The following NAALADL2 variants were observed in gnomAD, a reference collection of about 807,000 sequenced individuals.
NAALADL2 encodes the protein inactive N-acetylated-alpha-linked acidic dipeptidase-like protein 2.
A neutral mutation model predicts 87.2 loss-of-function variants in NAALADL2; 76 were observed. That is an observed-to-expected ratio of 0.87 (90% CI 0.72 to 1.05). The LOEUF (loss-of-function observed/expected upper bound fraction) is 1.05, where lower values mean the gene tolerates loss of function less well. NAALADL2 is among the 50% of genes least tolerant of loss of function. The probability of loss-of-function intolerance (pLI) is 0.00; values close to 1 mark genes in which losing one functional copy is unlikely to be tolerated. For synonymous variants in NAALADL2, 354 were observed against 331.0 expected (o/e 1.07, Z -0.75); for missense variants, 1,089 against 945.8 (o/e 1.15, Z -1.99).
intron 13 of NAALADL2, chr3:175,767,677 A>C (rs1583165962): frequency 6.6e-6 from 1 of 152,288 alleles, no homozygotes; most frequent in South Asian, 2.1e-4. Context: ...TAAAAAATGT[A>C]TATATTTTAA....
intron 9 of NAALADL2, among the ~76,000 whole-genome samples, chr3:175,541,144 C>T (rs1020250364): frequency 3.9e-5 from 6 of 152,156 alleles, no homozygotes; most frequent in Middle Eastern, 3.2e-3. Context: ...AGATATCTTT[C>T]GAATCCTTCA....
intron 10 of NAALADL2, among the ~76,000 whole-genome samples, chr3:175,584,078 C>A (rs1032764194): frequency 6.6e-6 from 1 of 150,944 alleles, no homozygotes; most frequent in African/African-American, 2.5e-5. Flanking sequence ...GGGTCTGTCA[C>A]CCAGGCTAGA....
chr3:175,120,340 T>C (rs1725968199), intron 2 of NAALADL2, among the ~76,000 whole-genome samples: 1 of 151,758 alleles, frequency 6.6e-6, no homozygotes, highest in Non-Finnish European at 1.5e-5. Flanking sequence ...TAGAAATCTA[T>C]TAAAACAAAT....
intron 11 of NAALADL2, among the ~76,000 whole-genome samples, chr3:175,683,624 G>A (rs978934665): frequency 1.3e-5 from 2 of 151,910 alleles, no homozygotes; most frequent in Admixed American, 1.3e-4. Context: ...AGAATAGAAA[G>A]CATTCAGCTC....
chr3:175,502,059 A>G (rs1053123843), intron 9 of NAALADL2, among the ~76,000 whole-genome samples: 3 of 152,148 alleles, frequency 2.0e-5, no homozygotes, highest in African/African-American at 7.2e-5. Context: ...TTTGAAGAGA[A>G]CAATTTCAAG....
intron 2 of NAALADL2, among the ~76,000 whole-genome samples, chr3:174,587,987 C>G (rs1716918333): frequency 6.6e-6 from 1 of 152,152 alleles, no homozygotes; most frequent in South Asian, 2.1e-4. Flanking sequence ...GTTCAATTCC[C>G]CCTGTCACTT....
intron 1 of NAALADL2, among the ~76,000 whole-genome samples, chr3:175,094,196 G>GA (rs924378815): frequency 9.2e-5 from 14 of 151,804 alleles, no homozygotes; most frequent in African/African-American, 3.4e-4. Context: ...GAACTGCATG[G>GA]AAAAAATGTC....
intron 1 of NAALADL2, among the ~76,000 whole-genome samples, chr3:174,455,667 A>G (rs1715785698): frequency 6.6e-6 from 1 of 152,196 alleles, no homozygotes; most frequent in Middle Eastern, 3.2e-3. Context: ...GATAAAATTC[A>G]ACACCCCTTC....
At chr3:174,819,542 A>G (rs1043601236) in intron 3 of NAALADL2, among the ~76,000 whole-genome samples, 7 of 152,128 alleles carry the variant, frequency 4.6e-5, no homozygotes, top group Non-Finnish European at 7.4e-5. Flanking sequence ...GACTTCTCAT[A>G]CACAATCACA....
intron 5 of NAALADL2, among the ~76,000 whole-genome samples, chr3:175,390,011 G>T (rs958217204): frequency 6.6e-6 from 1 of 152,064 alleles, no homozygotes; most frequent in Non-Finnish European, 1.5e-5. Context: ...TCTCAAGTTA[G>T]CAGGGAATAA....
intron 11 of NAALADL2, among the ~76,000 whole-genome samples, chr3:175,725,658 G>A (rs1432009661): frequency 2.0e-5 from 3 of 152,196 alleles, no homozygotes; most frequent in Non-Finnish European, 4.4e-5. Flanking sequence ...GTGCTAATTA[G>A]GGTAACAATT....
chr3:175,314,599 AG>A (rs1560341308), intron 4 of NAALADL2, among the ~76,000 whole-genome samples: 2 of 100,668 alleles, frequency 2.0e-5, no homozygotes, highest in East Asian at 5.6e-4. Flanking sequence ...ATATATATAT[AG>A]GCTATACATA....
intron 2 of NAALADL2, among the ~76,000 whole-genome samples, chr3:174,585,206 A>G (rs544235192): frequency 1.3e-5 from 2 of 152,278 alleles, no homozygotes; most frequent in African/African-American, 4.8e-5. Context: ...GATATGCATC[A>G]TAATCATTTG....
chr3:174,446,283 G>A (rs1221023482), intron 1 of NAALADL2, among the ~76,000 whole-genome samples: 1 of 152,074 alleles, frequency 6.6e-6, no homozygotes, highest in African/African-American at 2.4e-5. Context: ...GAAGTGCTAT[G>A]AATCCTTTAA....
intron 2 of NAALADL2, among the ~76,000 whole-genome samples, chr3:175,218,557 C>A (rs527925263): frequency 6.6e-6 from 1 of 152,054 alleles, no homozygotes; most frequent in Non-Finnish European, 1.5e-5. Flanking sequence ...ACCTAGAGGT[C>A]TCCCACTTGT....
intron 13 of NAALADL2, among the ~76,000 whole-genome samples, chr3:175,760,891 A>G (rs1457707701): frequency 1.3e-5 from 2 of 152,260 alleles, no homozygotes; most frequent in East Asian, 1.9e-4. Context: ...TTTTTAAAGC[A>G]GGTTTAGGCT....
intron 6 of NAALADL2, among the ~76,000 whole-genome samples, chr3:175,448,745 G>A (rs1013231791): frequency 6.6e-6 from 1 of 152,244 alleles, no homozygotes; most frequent in South Asian, 2.1e-4. Flanking sequence ...GTCTTGCTCT[G>A]TCATCAGGGC....
In NAALADL2 at chr3:175,795,135, G is replaced by A. The variant is rs1753303491; in HGVS notation, c.2190-7870G>A. Among the ~76,000 whole-genome samples, 4 of 152,260 alleles carry A rather than the reference G, an allele frequency of 2.6e-5. No homozygotes were observed. The South Asian group carries it at 6.2e-4, about 24-fold the overall frequency. On this transcript the variant is annotated intron_variant, in intron 13 of 13. Transcript: ENST00000454872. ...TTCCTAATATCATCCCACCTGCAGG[G>A]CCTAAGGCTTCAGTGTGTGCATTTG...
rs202022603 is a variant in NAALADL2, at chr3:175,338,622, A to AACACAC, written c.1090+14333_1090+14338dup. On this transcript the variant is annotated intron_variant, in intron 5 of 13. Transcript: ENST00000454872. ...AAAAAAAAAAAAAAAAAACACCACA[A>AACACAC]ACACACACACACACACACACACACA... Among the ~76,000 whole-genome samples, 873 of 88,440 alleles carry AACACAC rather than the reference A, an allele frequency of 9.9e-3. 28 individuals carry two copies. Among genetic ancestry groups the AACACAC allele is most frequent in the Non-Finnish European group, 0.013 (576 of 44,508 alleles). 58.0% of individuals were successfully genotyped at this position (88,440 alleles called of 152,430 possible). A position where few individuals can be genotyped will look rare whatever the true frequency, so the allele number is the denominator to read the frequency against.
Sources: gnomAD v4.1 joint callset for allele counts (sites outside exome capture counted in the v4.1 genomes callset) on GRCh38, gnomAD v4.1.1 for gene constraint, MANE v1.5 for transcripts, NCBI Gene and HGNC (gene_info 2026-07-23, HGNC 2026-07-21) for gene names.